Variants in CCSER1 observed in about 807,000 individuals in gnomAD.
The protein encoded by CCSER1 is serine-rich coiled-coil domain-containing protein 1.
CCSER1 carries 41 observed loss-of-function variants against 82.0 expected under a neutral mutation model. The observed-to-expected ratio is 0.50, with a 90% CI of 0.39 to 0.65. The LOEUF is 0.65. Ranked by LOEUF, CCSER1 falls within the 30% of genes least tolerant of loss-of-function variation. The pLI, the probability that CCSER1 is intolerant of heterozygous loss-of-function variation, is 0.00. For synonymous variants in CCSER1, 414 were observed against 383.9 expected (o/e 1.08, Z -0.92); for missense variants, 1,119 against 1,064.2 (o/e 1.05, Z -0.72).
chr4:91,162,752 T>A, intron 10 of CCSER1, among the ~76,000 whole-genome samples: 1 of 152,232 alleles, frequency 6.6e-6, no homozygotes, highest in East Asian at 1.9e-4. Context: ...TGGTAGTTTG[T>A]ATTTCTGTGG....
At chr4:90,495,815 T>A (rs1179185058) in intron 5 of CCSER1, among the ~76,000 whole-genome samples, 1 of 152,114 alleles carries the variant, frequency 6.6e-6, no homozygotes, top group African/African-American at 2.4e-5. Flanking sequence ...TATAAATAGA[T>A]ATTTCTATAA....
At chr4:91,052,445 T>C (rs1743089320) in intron 9 of CCSER1, among the ~76,000 whole-genome samples, 1 of 152,124 alleles carries the variant, frequency 6.6e-6, no homozygotes, top group Non-Finnish European at 1.5e-5. Context: ...CTATTGTATT[T>C]ATTACACTTA....
At chr4:90,586,281 G>A (rs79583739) in intron 5 of CCSER1, among the ~76,000 whole-genome samples, 6,392 of 152,126 alleles carry the variant, frequency 0.042, 442 homozygotes, top group African/African-American at 0.15. Context: ...CAATTTGTCC[G>A]TGGAAAAATT....
chr4:91,123,797 AT>A (rs1727285087), intron 10 of CCSER1, among the ~76,000 whole-genome samples: 1 of 151,730 alleles, frequency 6.6e-6, no homozygotes, highest in African/African-American at 2.4e-5. Context: ...AAAAAGAATA[AT>A]TTTTTTCTGT....
intron 8 of CCSER1, among the ~76,000 whole-genome samples, chr4:90,818,100 AT>A (rs748063862): frequency 1.2e-4 from 18 of 152,120 alleles, no homozygotes; most frequent in Non-Finnish European, 2.1e-4. Context: ...ATGCTGTAGA[AT>A]GAAATTAGAT....
chr4:90,132,617 T>C (rs1722995925), intron 1 of CCSER1, among the ~76,000 whole-genome samples: 1 of 152,230 alleles, frequency 6.6e-6, no homozygotes, highest in Non-Finnish European at 1.5e-5. Flanking sequence ...GTTGTTTCCA[T>C]GCAGCCTAAA....
chr4:90,862,090 A>C (rs1765181661), intron 8 of CCSER1, among the ~76,000 whole-genome samples: 1 of 151,652 alleles, frequency 6.6e-6, no homozygotes, highest in African/African-American at 2.4e-5. Flanking sequence ...AAATCTGAGA[A>C]GTAAAAAATT....
chr4:91,166,611 T>C (rs947854974), intron 10 of CCSER1, among the ~76,000 whole-genome samples: 2 of 152,344 alleles, frequency 1.3e-5, no homozygotes, highest in Non-Finnish European at 2.9e-5. Flanking sequence ...TCAGTTTTTA[T>C]ATTTCAGAAT....
At chr4:91,315,905 C>T (rs753464327) in intron 10 of CCSER1, among the ~76,000 whole-genome samples, 3 of 151,942 alleles carry the variant, frequency 2.0e-5, no homozygotes, top group Admixed American at 2.0e-4. Context: ...TGTGTCCCCA[C>T]CCACATCTCA....
chr4:91,487,906 A>T (rs1758306589), intron 10 of CCSER1, among the ~76,000 whole-genome samples: 1 of 152,032 alleles, frequency 6.6e-6, no homozygotes, highest in African/African-American at 2.4e-5. Flanking sequence ...CATGGTATAC[A>T]TACCTGAAAT....
chr4:90,762,638 A>C (rs1031798341), intron 7 of CCSER1, among the ~76,000 whole-genome samples: 13 of 152,158 alleles, frequency 8.5e-5, no homozygotes, highest in African/African-American at 2.7e-4. Flanking sequence ...TATGGCTTCT[A>C]ATAATAGCAC....
At chr4:91,324,065 T>G (rs894903841) in intron 10 of CCSER1, among the ~76,000 whole-genome samples, 4 of 152,192 alleles carry the variant, frequency 2.6e-5, no homozygotes, top group African/African-American at 9.7e-5. Flanking sequence ...TACAGATTGT[T>G]GTTAAAGCTG....
rs1404249079 is a variant in CCSER1, at chr4:91,255,355, A to G, written c.2217+169361A>G. On this transcript the variant is annotated intron_variant, in intron 10 of 10. Transcript: ENST00000509176. ...ATAATGTCTCACATGTTAGATCTAT[A>G]TGTGTCTAATAACCTTATTACTATT... Among the ~76,000 whole-genome samples the G allele has an allele frequency of 3.9e-5, 6 of 152,182 alleles. No homozygotes were observed. In the East Asian group the frequency reaches 1.2e-3, roughly 29 times the overall value.
intron 3 of CCSER1, among the ~76,000 whole-genome samples, chr4:90,325,277 T>G (rs962134566): frequency 1.3e-5 from 2 of 152,202 alleles, no homozygotes; most frequent in African/African-American, 4.8e-5. Flanking sequence ...GAAATATGTA[T>G]GTTAGAATAA....
At chr4:91,378,271 T>G (rs943315814) in intron 10 of CCSER1, among the ~76,000 whole-genome samples, 3 of 152,316 alleles carry the variant, frequency 2.0e-5, no homozygotes, top group Admixed American at 6.5e-5. Flanking sequence ...AAGTAGATTT[T>G]TCCAATTCTG....
intron 10 of CCSER1, among the ~76,000 whole-genome samples, chr4:91,170,470 A>C (rs1732636837): frequency 6.6e-6 from 1 of 152,160 alleles, no homozygotes; most frequent in Non-Finnish European, 1.5e-5. Flanking sequence ...TACTAAAATG[A>C]GAAACATCAT....
chr4:91,115,811 T>C lies in CCSER1; in HGVS notation c.2217+29817T>C, dbSNP rs867129733. On this transcript the variant is annotated intron_variant, in intron 10 of 10. Coordinates refer to ENST00000509176, the MANE Select transcript of CCSER1 (RefSeq NM_001145065.2). ...CCTGCCTATCCTAGCTTTTTCTTTT[T>C]TTTTTTTTTTTTTTCAAATTTCCAT... 9.2e-3 allele frequency among the ~76,000 whole-genome samples: 897 copies of C among 97,952 alleles called. 6 individuals carry two copies. Among genetic ancestry groups the C allele is most frequent in the African/African-American group, 0.035 (839 of 24,272 alleles). 64.3% of individuals were successfully genotyped at this position (97,952 alleles called of 152,430 possible).
At chr4:90,633,231 A>G (rs1724772978) in intron 6 of CCSER1, among the ~76,000 whole-genome samples, 1 of 152,104 alleles carries the variant, frequency 6.6e-6, no homozygotes, top group South Asian at 2.1e-4. Flanking sequence ...TACCATTAAA[A>G]TAACTGTTGG....
chr4:91,573,577 G>A lies in CCSER1; in HGVS notation c.2218-24995G>A, dbSNP rs554158245. Among the ~76,000 whole-genome samples, 5 of 152,324 alleles carry A rather than the reference G, an allele frequency of 3.3e-5. No individual in the cohort carries two copies. The South Asian group carries it at 1.0e-3, about 32-fold the overall frequency. ...CCAAGGATTGCAAAGATCCATAGGA[G>A]AAGTGTAGTTCCCAATTCACACATT... On this transcript the variant is annotated intron_variant, in intron 10 of 10. Coordinates refer to ENST00000509176, the MANE Select transcript of CCSER1 (RefSeq NM_001145065.2).
Sources: allele counts gnomAD v4.1 joint callset (sites outside exome capture counted in the v4.1 genomes callset), GRCh38; gene constraint gnomAD v4.1.1; transcripts MANE v1.5; gene names NCBI Gene and HGNC (gene_info 2026-07-23, HGNC 2026-07-21).